SLAMF6: variants seen among roughly 807,000 people sequenced by gnomAD.
SLAMF6 encodes SLAM family member 6.
A neutral mutation model predicts 38.3 loss-of-function variants in SLAMF6; 21 were observed. That is an observed-to-expected ratio of 0.55 (90% CI 0.39 to 0.79). SLAMF6 has a LOEUF of 0.79. SLAMF6 is among the 30% of genes least tolerant of loss of function. The pLI is 0.00. For synonymous variants in SLAMF6, 152 were observed against 146.3 expected, an observed-to-expected ratio of 1.04 and a Z score of -0.28; for missense variants, 341 against 385.3, an observed-to-expected ratio of 0.89 and a Z score of 0.96.
chr1:160,489,666 G>A (rs1375684717), intron 5 of SLAMF6, among the ~76,000 whole-genome samples: 3 of 152,130 alleles, frequency 2.0e-5, no homozygotes, highest in Admixed American at 6.6e-5. Flanking sequence ...TCAAATGCAC[G>A]TCTTCTGACT....
chr1:160,500,514 G>T (rs994835946), intron 1 of SLAMF6, among the ~76,000 whole-genome samples: 3 of 151,718 alleles, frequency 2.0e-5, no homozygotes, highest in African/African-American at 4.8e-5. Flanking sequence ...ATTTAAAGAA[G>T]TGTGACCACT....
chr1:160,486,711 A>G lies in SLAMF6; in HGVS notation c.995T>C (p.Val332Ala), dbSNP rs1652980576. Residue 332 changes from valine to alanine, a missense_variant, in exon 8 of 8, where the codon GTG (valine) becomes GCG (alanine). Val to Ala is a moderately conservative substitution (Grantham distance 64). Coordinates refer to ENST00000368057, the MANE Select transcript of SLAMF6 (RefSeq NM_001184714.2). ...FSRATALDNV[V>A] ...CCTCTGAGGCCTTTCAGCAACTTACACGACATTGTCAAGGGCAGTTGCCCT... is the reference window on the plus strand; with the variant it reads ...CCTCTGAGGCCTTTCAGCAACTTACGCGACATTGTCAAGGGCAGTTGCCCT... The G allele has an allele frequency of 1.9e-6, 3 of 1,613,764 alleles. No individual in the cohort carries two copies. Among genetic ancestry groups the G allele is most frequent in the Non-Finnish European group, 2.5e-6 (3 of 1,179,734 alleles).
At chr1:160,499,821 T>A (rs1406636704) in intron 1 of SLAMF6, among the ~76,000 whole-genome samples, 1 of 152,168 alleles carries the variant, frequency 6.6e-6, no homozygotes, top group Non-Finnish European at 1.5e-5. Flanking sequence ...TTTCATGAAT[T>A]GTCATATGGG....
Position 160,491,046 on chromosome 1 carries a change from A to G in SLAMF6, c.646+79T>C, listed in dbSNP as rs1482620140. On this transcript the variant is annotated intron_variant, in intron 3 of 7. Transcript: ENST00000368057. The stretch of plus-strand genomic sequence containing the variant: ...TTTCTGCCTCCCACTGGGCCACTGT[A>G]TTGGAAATTACGTAGGATGTGAGGA... The G allele has an allele frequency of 9.6e-6, 15 of 1,555,970 alleles. No homozygotes were observed. In the Admixed American group the frequency reaches 2.6e-4, roughly 27 times the overall value.
At chr1:160,488,090 C>CA (rs1170761955) in intron 6 of SLAMF6, among the ~76,000 whole-genome samples, 1,948 of 63,728 alleles carry the variant, frequency 0.031, 28 homozygotes, top group Middle Eastern at 0.069. Context: ...CACTCTGTCT[C>CA]AAAAAAAAAA....
At chr1:160,512,329 G>T (rs1230558736) in intron 1 of SLAMF6, among the ~76,000 whole-genome samples, 1 of 152,176 alleles carries the variant, frequency 6.6e-6, no homozygotes, top group African/African-American at 2.4e-5. Flanking sequence ...AGCAACTCCA[G>T]CCAAGGGTTT....
intron 4 of SLAMF6, 62 bp downstream of exon 4, chr1:160,490,513 G>A (rs1653227671): frequency 6.3e-7 from 1 of 1,580,346 alleles, no homozygotes; most frequent in Non-Finnish European, 8.6e-7. Context: ...GGAATCAGAG[G>A]CCCCAAACTC....
intron 1 of SLAMF6, among the ~76,000 whole-genome samples, chr1:160,508,517 A>T (rs1462748822): frequency 6.6e-6 from 1 of 152,244 alleles, no homozygotes; most frequent in Non-Finnish European, 1.5e-5. Context: ...TTCAAGATGG[A>T]TTAAAGACTT....
chr1:160,498,486 C>T (rs1420753724), intron 1 of SLAMF6, among the ~76,000 whole-genome samples: 1 of 152,178 alleles, frequency 6.6e-6, no homozygotes, highest in Non-Finnish European at 1.5e-5. Context: ...TCACGTCTTA[C>T]ATGGTGGCAG....
At chr1:160,522,628 C>CT (rs11450209) in intron 1 of SLAMF6, among the ~76,000 whole-genome samples, 126,429 of 150,482 alleles carry the variant, frequency 0.84, 53,920 homozygotes, top group Non-Finnish European at 0.93. Flanking sequence ...AGATGGAAAC[C>CT]TTTTTTTTTG....
chr1:160,507,866 A>G (rs1388639061), intron 1 of SLAMF6, among the ~76,000 whole-genome samples: 1 of 152,088 alleles, frequency 6.6e-6, no homozygotes, highest in Admixed American at 6.5e-5. Context: ...GCTTACCAAA[A>G]CATGGGATGG....
At chr1:160,508,124 C>G (rs1654285104) in intron 1 of SLAMF6, among the ~76,000 whole-genome samples, 1 of 152,104 alleles carries the variant, frequency 6.6e-6, no homozygotes, top group Non-Finnish European at 1.5e-5. Flanking sequence ...CATCAAGCTA[C>G]CAATGACTTT....
chr1:160,490,671 A>G lies in SLAMF6; in HGVS notation c.661T>C (p.Tyr221His). Residue 221 changes from tyrosine to histidine, a missense_variant, in exon 4 of 8, where the codon TAT becomes CAT. Tyr to His is a moderately conservative substitution (Grantham distance 83, BLOSUM62 2). Coordinates refer to ENST00000368057, the MANE Select transcript of SLAMF6 (RefSeq NM_001184714.2). ...AACAGAATCATTTTGGTATCTGTAT[A>G]TTGAATTTTAACATCTGAAAAGAGA... ...QKLCEDVKIQ[Y>H]TDTKMILFMV... 1 of 1,613,180 alleles carries G rather than the reference A, an allele frequency of 6.2e-7. No homozygotes were observed. The highest frequency in any genetic ancestry group is 2.2e-5 in the East Asian group (1 of 44,854).
At chr1:160,514,120 C>T (rs1654628155) in intron 1 of SLAMF6, among the ~76,000 whole-genome samples, 1 of 152,088 alleles carries the variant, frequency 6.6e-6, no homozygotes, top group African/African-American at 2.4e-5. Flanking sequence ...ATTCAAGAGA[C>T]TCATCTCACA....
At chr1:160,520,364 A>C (rs1341150527) in intron 1 of SLAMF6, among the ~76,000 whole-genome samples, 1 of 152,156 alleles carries the variant, frequency 6.6e-6, no homozygotes, top group Non-Finnish European at 1.5e-5. Flanking sequence ...CTACAATCCC[A>C]GTATGACTGA....
chr1:160,515,066 A>C (rs1654671207), intron 1 of SLAMF6, among the ~76,000 whole-genome samples: 1 of 152,126 alleles, frequency 6.6e-6, no homozygotes, highest in South Asian at 2.1e-4. Context: ...AGGAGTCCAG[A>C]ATCTGGTTTT....
rs777272029 is a variant in SLAMF6, at chr1:160,489,178, CAT to C, written c.797-10_797-9del. ...GGTTCCTTGCGGACTCTGCTGTTAA[CAT>C]AGGAAGGCACAGTCAATGGCACAAG... On this transcript the variant is annotated splice_polypyrimidine_tract_variant and intron_variant, in intron 5 of 7. Transcript: ENST00000368057. 3.7e-6 allele frequency: 6 copies of C among 1,613,672 alleles called. No homozygotes were observed. Among genetic ancestry groups the C allele is most frequent in the Admixed American group, 1.7e-5 (1 of 59,976 alleles).
chr1:160,514,692 C>A (rs1051605501), intron 1 of SLAMF6, among the ~76,000 whole-genome samples: 1 of 151,994 alleles, frequency 6.6e-6, no homozygotes, highest in Admixed American at 6.6e-5. Context: ...GAACTCAAGA[C>A]AAAGAAACTC....
chr1:160,487,344 G>C (rs1467451008), intron 6 of SLAMF6, 169 bp from the exon 7 acceptor site: 2 of 178,468 alleles, frequency 1.1e-5, no homozygotes, highest in African/African-American at 4.8e-5. Flanking sequence ...TATCAAACTT[G>C]TGAGGATTTA....
Sources: allele counts gnomAD v4.1 joint callset (sites outside exome capture counted in the v4.1 genomes callset), GRCh38; gene constraint gnomAD v4.1.1; transcripts MANE v1.5; gene names NCBI Gene and HGNC (gene_info 2026-07-23, HGNC 2026-07-21).